PON2: variants seen among roughly 807,000 people sequenced by gnomAD.
PON2 encodes paraoxonase 2, also known as serum paraoxonase/arylesterase 2.
PON2 carries 27 observed loss-of-function variants against 36.6 expected under a neutral mutation model. The ratio of observed to expected loss-of-function variants is 0.74; its 90% CI spans 0.54 to 1.02. PON2 has a LOEUF of 1.02. Among genes scored for constraint, PON2 ranks in the 50% least tolerant of loss-of-function variants. PON2 has a pLI of 0.00. For synonymous variants in PON2, 149 were observed against 156.3 expected (o/e 0.95, Z 0.35); for missense variants, 363 against 421.1 (o/e 0.86, Z 1.21).
At chr7:95,410,189 ATG>A (rs2116459245) in intron 5 of PON2, 88 bp from the exon 6 acceptor site, 1 of 1,136,500 alleles carries the variant, frequency 8.8e-7, no homozygotes, top group African/African-American at 1.6e-5. Context: ...TTTATGCAAC[ATG>A]TGCTTTAAAT....
At chr7:95,415,052 T>C (rs1233557220) in intron 3 of PON2, 1 of 152,220 alleles carries the variant, frequency 6.6e-6, no homozygotes, top group Non-Finnish European at 1.5e-5. Flanking sequence ...TTTATTAGTG[T>C]GGTGACTCCC....
intron 2 of PON2, 83 bp downstream of exon 2, chr7:95,424,432 C>T (rs1789265827): frequency 8.8e-7 from 1 of 1,130,810 alleles, no homozygotes; most frequent in African/African-American, 1.5e-5. Context: ...GCAGTAATTT[C>T]ATGCTAAAAT....
intron 3 of PON2, chr7:95,412,918 G>T: frequency 4.6e-6 from 1 of 216,076 alleles, no homozygotes; most frequent in Non-Finnish European, 9.3e-6. Context: ...GTCTATTTAG[G>T]GACTCTCTGT....
intron 2 of PON2, among the ~76,000 whole-genome samples, chr7:95,418,700 A>G (rs1789126646): frequency 6.6e-6 from 1 of 152,196 alleles, no homozygotes; most frequent in Non-Finnish European, 1.5e-5. Context: ...CTAGTGATAT[A>G]CATTAATTTC....
chr7:95,427,015 A>G (rs952875633), intron 1 of PON2, among the ~76,000 whole-genome samples: 3 of 152,206 alleles, frequency 2.0e-5, no homozygotes, highest in Admixed American at 1.3e-4. Context: ...AATTGGTGCT[A>G]AATAGGGCAA....
At chr7:95,422,767 T>G (rs890445361) in intron 2 of PON2, among the ~76,000 whole-genome samples, 53 of 152,234 alleles carry the variant, frequency 3.5e-4, no homozygotes, top group Non-Finnish European at 1.2e-4. Flanking sequence ...TAGAGAAGGA[T>G]GTTGTTGTAA....
At chr7:95,407,106 A>G in intron 6 of PON2, 38 bp from the exon 7 acceptor site, 1 of 1,299,832 alleles carries the variant, frequency 7.7e-7, no homozygotes. Context: ...GCTCCATGCC[A>G]ATATAAAGCT....
At chr7:95,424,364 G>C in intron 2 of PON2, 151 bp downstream of exon 2, 1 of 682,796 alleles carries the variant, frequency 1.5e-6, no homozygotes, top group Non-Finnish European at 2.6e-6. Flanking sequence ...GGGTTCATCA[G>C]ATCAAGAGGT....
intron 6 of PON2, among the ~76,000 whole-genome samples, chr7:95,407,338 T>C: frequency 6.6e-6 from 1 of 152,212 alleles, no homozygotes; most frequent in Non-Finnish European, 1.5e-5. Context: ...GAAGTCCATA[T>C]TTGCCACTGA....
At chr7:95,410,979 T>C (rs2116461043) in intron 5 of PON2, among the ~76,000 whole-genome samples, 1 of 152,304 alleles carries the variant, frequency 6.6e-6, no homozygotes, top group South Asian at 2.1e-4. Context: ...ATAGGCAATA[T>C]TTTTAATTTC....
chr7:95,412,537 T>C, intron 3 of PON2, 60 bp from the exon 4 acceptor site: 2 of 1,525,978 alleles, frequency 1.3e-6, no homozygotes, highest in Non-Finnish European at 1.8e-6. Flanking sequence ...TGGACTAACA[T>C]GGGAACTGTA....
intron 1 of PON2, among the ~76,000 whole-genome samples, chr7:95,427,834 C>A (rs1585764302): frequency 2.0e-5 from 3 of 152,260 alleles, no homozygotes; most frequent in African/African-American, 7.2e-5. Context: ...ACATATATTT[C>A]TCTTAATATA....
intron 1 of PON2, among the ~76,000 whole-genome samples, chr7:95,425,167 A>G (rs1176698767): frequency 6.6e-6 from 1 of 152,128 alleles, no homozygotes; most frequent in African/African-American, 2.4e-5. Context: ...TTGGGGGTAC[A>G]TGTGGTTTTT....
At chr7:95,410,210 A>G in intron 5 of PON2, 109 bp from the exon 6 acceptor site, 1 of 920,262 alleles carries the variant, frequency 1.1e-6, no homozygotes, top group Non-Finnish European at 1.7e-6. Flanking sequence ...ATTTTTGGTA[A>G]GAGGAAAAGA....
At chr7:95,427,538 C>T (rs569592843) in intron 1 of PON2, among the ~76,000 whole-genome samples, 2 of 152,160 alleles carry the variant, frequency 1.3e-5, no homozygotes, top group South Asian at 2.1e-4. Flanking sequence ...TGAACACACA[C>T]GCAGTGTTTG....
intron 6 of PON2, 49 bp downstream of exon 6, chr7:95,409,852 C>T: frequency 6.4e-7 from 1 of 1,560,704 alleles, no homozygotes; most frequent in Non-Finnish European, 8.8e-7. Context: ...AAGAATTTGG[C>T]CAGCACCACA....
chr7:95,418,319 G>A (rs1789119366), intron 2 of PON2: 1 of 152,228 alleles, frequency 6.6e-6, no homozygotes, highest in Non-Finnish European at 1.5e-5. Context: ...ATTTTAGAGT[G>A]AAGACTATTG....
At position 95,419,611 on chromosome 7, in the gene PON2, G is replaced by C. The variant is rs147056013; in HGVS notation, c.146-3314C>G. ...TAGCAACACAGCTATAGATAACATT[G>C]CCCACCCTTTCTGGCTGACAGATGT... is the stretch of plus-strand genomic sequence containing the variant. On this transcript the variant is annotated intron_variant, in intron 2 of 8. Transcript: ENST00000222572. Among the ~76,000 whole-genome samples, 77 of 152,126 alleles carry C rather than the reference G, an allele frequency of 5.1e-4. 1 individual carries two copies. The East Asian group carries it at 8.3e-3, about 16-fold the overall frequency.
At chr7:95,421,541 G>T (rs927094264) in intron 2 of PON2, among the ~76,000 whole-genome samples, 1 of 152,190 alleles carries the variant, frequency 6.6e-6, no homozygotes, top group African/African-American at 2.4e-5. Context: ...GCAAGATGAA[G>T]CTGCTAAGTT....
Sources: allele counts gnomAD v4.1 joint callset (sites outside exome capture counted in the v4.1 genomes callset), GRCh38; gene constraint gnomAD v4.1.1; transcripts MANE v1.5; gene names NCBI Gene and HGNC (gene_info 2026-07-23, HGNC 2026-07-21).